PTPRK: variants seen among roughly 807,000 people sequenced by gnomAD.
The protein encoded by PTPRK is receptor-type tyrosine-protein phosphatase kappa.
In PTPRK, 75 loss-of-function variants were observed where a neutral mutation model predicts 178.0. That is an observed-to-expected ratio of 0.42 (90% CI 0.35 to 0.51). The LOEUF (loss-of-function observed/expected upper bound fraction) is 0.51. Among genes scored for constraint, PTPRK ranks in the 20% least tolerant of loss-of-function variants. PTPRK has a pLI of 0.02. For missense variants in PTPRK, 1,441 were observed against 1,797.8 expected, an observed-to-expected ratio of 0.80 and a Z score of 3.59; for synonymous variants, 637 against 620.6, an observed-to-expected ratio of 1.03 and a Z score of -0.39.
intron 2 of PTPRK, among the ~76,000 whole-genome samples, chr6:128,370,038 A>G (rs1051079176): frequency 6.6e-6 from 1 of 152,174 alleles, no homozygotes; most frequent in Non-Finnish European, 1.5e-5. Context: ...AATGGACAGG[A>G]TACAATAATG....
intron 2 of PTPRK, among the ~76,000 whole-genome samples, chr6:128,358,896 A>G (rs1220083378): frequency 6.6e-6 from 1 of 152,230 alleles, no homozygotes; most frequent in Non-Finnish European, 1.5e-5. Flanking sequence ...TCCTAAAATT[A>G]TAATAGACTG....
chr6:128,126,447 T>G (rs2114432035), intron 7 of PTPRK, among the ~76,000 whole-genome samples: 1 of 152,346 alleles, frequency 6.6e-6, no homozygotes, highest in South Asian at 2.1e-4. Flanking sequence ...AAGCTGCTTA[T>G]ACATATTTGT....
At chr6:128,382,410 C>T (rs375911000) in intron 2 of PTPRK, among the ~76,000 whole-genome samples, 27 of 131,858 alleles carry the variant, frequency 2.0e-4, no homozygotes, top group East Asian at 8.9e-4. Context: ...TATGAAAATT[C>T]TTTTTTTTTT....
intron 7 of PTPRK, among the ~76,000 whole-genome samples, chr6:128,092,126 A>G (rs1176092540): frequency 1.3e-5 from 2 of 152,234 alleles, no homozygotes; most frequent in Non-Finnish European, 2.9e-5. Context: ...TATAAAGCAC[A>G]ATCATAATTT....
At chr6:128,141,999 C>A (rs1795835960) in intron 7 of PTPRK, among the ~76,000 whole-genome samples, 1 of 151,912 alleles carries the variant, frequency 6.6e-6, no homozygotes, top group Non-Finnish European at 1.5e-5. Flanking sequence ...TGATAATCAA[C>A]AACCAGCTCT....
At chr6:128,293,495 T>C (rs1388082804) in intron 3 of PTPRK, among the ~76,000 whole-genome samples, 3 of 152,096 alleles carry the variant, frequency 2.0e-5, no homozygotes, top group African/African-American at 7.2e-5. Context: ...TCCCTCTTAA[T>C]AGAGGATACA....
At chr6:128,284,130 A>G (rs1822100686) in intron 3 of PTPRK, among the ~76,000 whole-genome samples, 1 of 152,158 alleles carries the variant, frequency 6.6e-6, no homozygotes, top group African/African-American at 2.4e-5. Flanking sequence ...TTTCTGTTCC[A>G]AAACAAAGCC....
chr6:128,319,135 A>T (rs1217884285), intron 3 of PTPRK, among the ~76,000 whole-genome samples: 1 of 152,212 alleles, frequency 6.6e-6, no homozygotes, highest in Non-Finnish European at 1.5e-5. Context: ...TACACAGTAC[A>T]GTGGAAAGCA....
intron 3 of PTPRK, among the ~76,000 whole-genome samples, chr6:128,263,078 C>T (rs897156972): frequency 1.3e-5 from 2 of 151,882 alleles, no homozygotes; most frequent in Non-Finnish European, 2.9e-5. Flanking sequence ...GGAAGGGAAG[C>T]GAGTGCTCAC....
At chr6:128,197,895 C>A (rs1239455708) in intron 6 of PTPRK, among the ~76,000 whole-genome samples, 1 of 152,146 alleles carries the variant, frequency 6.6e-6, no homozygotes, top group East Asian at 1.9e-4. Flanking sequence ...CCTGCCTCAA[C>A]AAGTATAGTG....
chr6:128,450,123 A>G (rs1282807756), intron 1 of PTPRK, among the ~76,000 whole-genome samples: 5 of 151,848 alleles, frequency 3.3e-5, no homozygotes, highest in Non-Finnish European at 7.4e-5. Context: ...TCTCAACAAA[A>G]AAAAAAAAAG....
intron 5 of PTPRK, among the ~76,000 whole-genome samples, chr6:128,223,036 A>G (rs1810686820): frequency 6.6e-6 from 1 of 152,168 alleles, no homozygotes; most frequent in African/African-American, 2.4e-5. Flanking sequence ...AAAAGATTAT[A>G]AAAACTTATT....
chr6:128,520,429 G>C lies in PTPRK; in HGVS notation c.-71C>G, dbSNP rs896151114. 6 of 1,454,168 alleles carry C rather than the reference G, an allele frequency of 4.1e-6. No individual in the cohort carries two copies. Among genetic ancestry groups the C allele is most frequent in the African/African-American group, 1.4e-5 (1 of 71,120 alleles). The allele number at this position is 1,454,168 out of a possible 1,614,324, so 90.1% of individuals were successfully genotyped here. ...GGGGGATCGCCGCGAAATCCACGACGGAGGAGCGGGCCGGGCCTCGCGGGG... is the reference window on the plus strand; with the variant it reads ...GGGGGATCGCCGCGAAATCCACGACCGAGGAGCGGGCCGGGCCTCGCGGGG... On this transcript the variant is annotated 5_prime_UTR_variant, in exon 1 of 30. Coordinates refer to ENST00000368226, the MANE Select transcript of PTPRK (RefSeq NM_002844.4).
chr6:128,510,466 A>T (rs536354979), intron 1 of PTPRK, among the ~76,000 whole-genome samples: 7 of 152,350 alleles, frequency 4.6e-5, no homozygotes, highest in African/African-American at 1.7e-4. Context: ...TAGGCAGCAG[A>T]GGTTAGAGGA....
intron 2 of PTPRK, among the ~76,000 whole-genome samples, chr6:128,342,931 C>A (rs1321336426): frequency 6.6e-6 from 1 of 150,774 alleles, no homozygotes; most frequent in Non-Finnish European, 1.5e-5. Context: ...TAAAAAAAAA[C>A]AATTAAAAAA....
chr6:128,333,027 T>C (rs1324896173), intron 2 of PTPRK, among the ~76,000 whole-genome samples: 1 of 152,222 alleles, frequency 6.6e-6, no homozygotes, highest in African/African-American at 2.4e-5. Context: ...TTTTGAGAAG[T>C]AGCTGCTAAA....
chr6:128,010,381 C>T (rs763384147), intron 13 of PTPRK, among the ~76,000 whole-genome samples: 1 of 151,176 alleles, frequency 6.6e-6, no homozygotes, highest in Non-Finnish European at 1.5e-5. Context: ...AATCTCTAAA[C>T]CTAACCTCAT....
intron 2 of PTPRK, among the ~76,000 whole-genome samples, chr6:128,371,667 A>G (rs947833947): frequency 1.3e-5 from 2 of 152,148 alleles, no homozygotes; most frequent in African/African-American, 4.8e-5. Context: ...ACCAATCACC[A>G]TCTTTATCTT....
intron 13 of PTPRK, among the ~76,000 whole-genome samples, chr6:128,042,102 C>T (rs996891689): frequency 6.6e-6 from 1 of 152,050 alleles, no homozygotes; most frequent in Non-Finnish European, 1.5e-5. Flanking sequence ...CTTTGCCACA[C>T]ACACTTTAAC....
Sources: gnomAD v4.1 joint callset for allele counts (sites outside exome capture counted in the v4.1 genomes callset) on GRCh38, gnomAD v4.1.1 for gene constraint, MANE v1.5 for transcripts, NCBI Gene and HGNC (gene_info 2026-07-23, HGNC 2026-07-21) for gene names.